The following SPDYE18 variants were observed in gnomAD, a reference collection of about 807,000 sequenced individuals.
The protein encoded by SPDYE18 is speedy protein E18.
A neutral mutation model predicts 44.9 loss-of-function variants in SPDYE18; 6 were observed. The ratio of observed to expected loss-of-function variants is 0.13; its 90% CI spans 0.07 to 0.26. The LOEUF (loss-of-function observed/expected upper bound fraction) is 0.26. Among genes scored for constraint, SPDYE18 ranks in the 10% least tolerant of loss-of-function variants. The probability of loss-of-function intolerance (pLI) is 1.00; values close to 1 mark genes in which losing one functional copy is unlikely to be tolerated. For synonymous variants in SPDYE18, 35 were observed against 177.1 expected (o/e 0.20, Z 6.37); for missense variants, 121 against 463.2 (o/e 0.26, Z 6.78).
chr7:77,053,027 T>A lies in SPDYE18; in HGVS notation c.932A>T (p.Lys311Ile). ...GGAACAGAAGAACTGGAACCGAAGT[T>A]TCTGGAACAGGGCTATCTGAGAGCG... ...KNRSQIALFQ[K>I]LRFQFFCSMS... The change falls in exon 7 of 9, where the codon AAA becomes ATA. Residue 311 changes from lysine to isoleucine, a missense_variant. Physicochemically the swap from Lys to Ile is moderately radical, Grantham distance 102 (BLOSUM62 -3). Transcript: ENST00000510091. 1.9e-6 allele frequency: 3 copies of A among 1,613,938 alleles called. No individual in the cohort carries two copies. In the South Asian group the frequency reaches 3.3e-5, roughly 18 times the overall value.
chr7:77,054,663 G>T (rs1274273210), intron 6 of SPDYE18, among the ~76,000 whole-genome samples: 5 of 152,202 alleles, frequency 3.3e-5, no homozygotes, highest in East Asian at 1.9e-4. Flanking sequence ...GGAGGAAGCG[G>T]CATGTCCGCT....
chr7:77,060,028 CTT>C (rs71251020), intron 2 of SPDYE18, among the ~76,000 whole-genome samples: 5 of 117,098 alleles, frequency 4.3e-5, no homozygotes, highest in Admixed American at 1.7e-4. Flanking sequence ...TTTTTCTTTT[CTT>C]TTTTTTTTTT....
chr7:77,062,375 G>C (rs1473229322), intron 1 of SPDYE18, among the ~76,000 whole-genome samples, 121 bp downstream of exon 1: 1 of 150,452 alleles, frequency 6.6e-6, no homozygotes, highest in Non-Finnish European at 1.5e-5. Context: ...CTAGTTAACA[G>C]GCTTTCAAAT....
At chr7:77,054,683 C>A (rs1432483064) in intron 6 of SPDYE18, among the ~76,000 whole-genome samples, 1 of 152,012 alleles carries the variant, frequency 6.6e-6, no homozygotes, top group Non-Finnish European at 1.5e-5. Flanking sequence ...TCCTCCACTC[C>A]TTTTCTTTTC....
chr7:77,062,258 T>C (rs28376470), intron 1 of SPDYE18, among the ~76,000 whole-genome samples: 58,207 of 141,908 alleles, frequency 0.41, 13,565 homozygotes, highest in African/African-American at 0.66. Flanking sequence ...GGAAGTCCCA[T>C]TGTTAGGAAG....
At position 77,051,209 on chromosome 7, in the gene SPDYE18, A is replaced by T. The variant is rs1362320534; in HGVS notation, c.*716T>A. 1.3e-5 allele frequency among the ~76,000 whole-genome samples: 2 copies of T among 152,176 alleles called. No individual in the cohort carries two copies. The highest frequency in any genetic ancestry group is 4.8e-5 in the African/African-American group (2 of 41,482). ...GAGTGCTCGCTTCAGGAGCACATAT[A>T]ATAATACAGAAACAAATTTAAAGAT... is the stretch of plus-strand genomic sequence containing the variant. On this transcript the variant is annotated 3_prime_UTR_variant, in exon 9 of 9. Transcript: ENST00000510091.
At position 77,050,474 on chromosome 7, in the gene SPDYE18, C is replaced by T. The variant is rs1789767762; in HGVS notation, c.*1451G>A. On this transcript the variant is annotated 3_prime_UTR_variant, in exon 9 of 9. Coordinates refer to ENST00000510091, the MANE Select transcript of SPDYE18 (RefSeq NM_001394953.1). ...ACTCTATTGTTCTCTTGAAAACACACAGCTCATGTCCTCCTTTAGAACACA... is the reference window on the plus strand; with the variant it reads ...ACTCTATTGTTCTCTTGAAAACACATAGCTCATGTCCTCCTTTAGAACACA... Among the ~76,000 whole-genome samples, 2 of 152,338 alleles carry T rather than the reference C, an allele frequency of 1.3e-5. No homozygotes were observed. Among genetic ancestry groups the T allele is most frequent in the South Asian group, 4.1e-4 (2 of 4,824 alleles).
At position 77,050,788 on chromosome 7, in the gene SPDYE18, G is replaced by T. The variant is rs1480786479; in HGVS notation, c.*1137C>A. Among the ~76,000 whole-genome samples, 15 of 151,716 alleles carry T rather than the reference G, an allele frequency of 9.9e-5. No homozygotes were observed. The highest frequency in any genetic ancestry group is 2.1e-4 in the Non-Finnish European group (14 of 67,954). On this transcript the variant is annotated 3_prime_UTR_variant, in exon 9 of 9. Transcript: ENST00000510091. ...AAGGAAAACAAAATTATATGTATGT[G>T]TATATAATAGTTATAACACCCATCA... is the stretch of plus-strand genomic sequence containing the variant.
rs199617417 is a variant in SPDYE18, at chr7:77,051,814, T to A, written c.*111A>T. 5.3e-5 allele frequency among the ~76,000 whole-genome samples: 8 copies of A among 151,796 alleles called. No homozygotes were observed. The highest frequency in any genetic ancestry group is 1.9e-4 in the East Asian group (1 of 5,184). On this transcript the variant is annotated 3_prime_UTR_variant, in exon 9 of 9. Transcript: ENST00000510091. Reference sequence around the variant, plus strand: ...CAAATGGTTCCTCTCCTCTTTCCTGTTGTCTGCCATTAGCATTGGAATAAA... The same window carrying A: ...CAAATGGTTCCTCTCCTCTTTCCTGATGTCTGCCATTAGCATTGGAATAAA...
At chr7:77,053,901 TAAA>T (rs1475827133) in intron 6 of SPDYE18, among the ~76,000 whole-genome samples, 15 of 146,412 alleles carry the variant, frequency 1.0e-4, no homozygotes, top group Admixed American at 8.7e-4. Context: ...TCGGAGCTAA[TAAA>T]GAAGCTGAGG....
intron 6 of SPDYE18, 54 bp from the exon 7 acceptor site, chr7:77,053,257 G>C (rs1233902806): frequency 6.2e-7 from 1 of 1,606,674 alleles, no homozygotes; most frequent in Admixed American, 1.7e-5. Context: ...GAGGCCTCCG[G>C]CTGAGGTCAG....
At chr7:77,062,250 A>C (rs572796607) in intron 1 of SPDYE18, among the ~76,000 whole-genome samples, 1,804 of 145,354 alleles carry the variant, frequency 0.012, 38 homozygotes, top group African/African-American at 0.043. Flanking sequence ...ATTGCTGTGG[A>C]AGTCCCATTG....
intron 8 of SPDYE18, among the ~76,000 whole-genome samples, chr7:77,052,372 C>G (rs1789819080): frequency 6.6e-6 from 1 of 152,190 alleles, no homozygotes; most frequent in Non-Finnish European, 1.5e-5. Context: ...CAAAGCTTCA[C>G]TGAACCCTCG....
chr7:77,057,104 A>G (rs1265388386), intron 4 of SPDYE18, among the ~76,000 whole-genome samples: 1 of 152,270 alleles, frequency 6.6e-6, no homozygotes, highest in African/African-American at 2.4e-5. Context: ...TTATTAATTT[A>G]TTTTGAGACA....
chr7:77,050,875 ATATT>A lies in SPDYE18; in HGVS notation c.*1046_*1049del, dbSNP rs1276007464. Among the ~76,000 whole-genome samples the A allele has an allele frequency of 1.8e-4, 27 of 149,654 alleles. No individual in the cohort carries two copies. The highest frequency in any genetic ancestry group is 4.7e-4 in the Admixed American group (7 of 14,990). ...CAGTATTTCCAAAATATTTAAAATA[ATATT>A]TAAAGTAATAATAATATTTAAATAA... On this transcript the variant is annotated 3_prime_UTR_variant, in exon 9 of 9. Transcript: ENST00000510091.
At chr7:77,054,642 G>A (rs1233169163) in intron 6 of SPDYE18, among the ~76,000 whole-genome samples, 7 of 152,348 alleles carry the variant, frequency 4.6e-5, no homozygotes, top group African/African-American at 1.7e-4. Context: ...AACCAGAAAC[G>A]TCTGCTTGCT....
intron 8 of SPDYE18, among the ~76,000 whole-genome samples, 126 bp downstream of exon 8, chr7:77,052,607 G>T (rs924112701): frequency 6.6e-6 from 1 of 152,288 alleles, no homozygotes; most frequent in African/African-American, 2.4e-5. Flanking sequence ...GCTAATTTTT[G>T]TATTTTTGTG....
chr7:77,060,373 T>A lies in SPDYE18; in HGVS notation c.140A>T (p.Asp47Val). 6.5e-7 allele frequency: 1 copy of A among 1,535,492 alleles called. No individual in the cohort carries two copies. The highest frequency in any genetic ancestry group is 2.0e-5 in the Admixed American group (1 of 50,978). The change falls in exon 2 of 9, where the codon GAT becomes GTT. Residue 47 changes from aspartate (D) to valine (V), a missense_variant. By Grantham distance (152) the Asp-to-Val change is radical. Coordinates refer to ENST00000510091, the MANE Select transcript of SPDYE18 (RefSeq NM_001394953.1). ...CTCACCTGATGGTCCCAACACTTCA[T>A]CATCCACCACCTCCTGGAGGGGGTA... is the stretch of plus-strand genomic sequence containing the variant. ...SGYPLQEVVD[D>V]EVLGPSAPGV...
chr7:77,054,866 C>T (rs1163383361), intron 6 of SPDYE18, among the ~76,000 whole-genome samples: 9 of 152,014 alleles, frequency 5.9e-5, no homozygotes, highest in Non-Finnish European at 2.9e-5. Context: ...CTCCTGGGTT[C>T]AAAGGGTTCT....
Sources: gnomAD v4.1 joint callset for allele counts (sites outside exome capture counted in the v4.1 genomes callset) on GRCh38, gnomAD v4.1.1 for gene constraint, MANE v1.5 for transcripts, NCBI Gene and HGNC (gene_info 2026-07-23, HGNC 2026-07-21) for gene names.